Variants in CCDC7 observed in about 807,000 individuals in gnomAD.
The protein encoded by CCDC7 is coiled-coil domain-containing protein 7.
Under a neutral mutation model 196.9 loss-of-function variants are expected in CCDC7, and 183 were observed. That is an observed-to-expected ratio of 0.93 (90% CI 0.82 to 1.05). The LOEUF (loss-of-function observed/expected upper bound fraction) is 1.05. CCDC7 is among the 50% of genes least tolerant of loss of function. CCDC7 has a pLI of 0.00. For missense variants in CCDC7, 1,540 were observed against 1,482.2 expected (o/e 1.04, Z -0.64); for synonymous variants, 525 against 484.6 (o/e 1.08, Z -1.10).
At chr10:32,514,234 C>T (rs2046683612) in intron 9 of CCDC7, 1 of 152,130 alleles carries the variant, frequency 6.6e-6, no homozygotes, top group Admixed American at 6.5e-5. Context: ...GAAGTTCTCA[C>T]CCCCTGCTAC....
intron 11 of CCDC7, among the ~76,000 whole-genome samples, chr10:32,541,150 T>A (rs921828132): frequency 2.0e-5 from 3 of 152,078 alleles, no homozygotes; most frequent in African/African-American, 7.2e-5. Flanking sequence ...TCTGGGTGTT[T>A]CCAGGGTAGC....
chr10:32,674,784 T>C (rs2074643963), intron 21 of CCDC7, among the ~76,000 whole-genome samples: 1 of 152,130 alleles, frequency 6.6e-6, no homozygotes, highest in African/African-American at 2.4e-5. Flanking sequence ...TATATATTTT[T>C]GAGATGGAGT....
chr10:32,759,338 C>A lies in CCDC7; in HGVS notation c.2906-19639C>A, dbSNP rs949486394. 2.1e-3 allele frequency among the ~76,000 whole-genome samples: 313 copies of A among 152,072 alleles called. 1 individual carries two copies. Among genetic ancestry groups the A allele is most frequent in the Non-Finnish European group, 3.5e-3 (241 of 67,934 alleles). On this transcript the variant is annotated intron_variant, in intron 28 of 41. Transcript: ENST00000639629. ...TGGAGGCATCACGCTACCTGACTTC[C>A]AACTATACTACAAGGCTACAGTAAC...
At chr10:32,807,768 C>T (rs1206630547) in intron 30 of CCDC7, among the ~76,000 whole-genome samples, 1 of 151,878 alleles carries the variant, frequency 6.6e-6, no homozygotes, top group Non-Finnish European at 1.5e-5. Context: ...GAGTCACACA[C>T]ACACACCGTG....
intron 20 of CCDC7, among the ~76,000 whole-genome samples, chr10:32,655,373 A>G (rs949450854): frequency 6.6e-6 from 1 of 152,106 alleles, no homozygotes; most frequent in East Asian, 1.9e-4. Flanking sequence ...TTCTTTCTCC[A>G]GTTTCTCACC....
At chr10:32,702,326 G>C (rs181312165) in intron 24 of CCDC7, among the ~76,000 whole-genome samples, 1 of 151,930 alleles carries the variant, frequency 6.6e-6, no homozygotes, top group Non-Finnish European at 1.5e-5. Context: ...GTAGTTGAGC[G>C]GTTTTGAGTG....
chr10:32,809,728 A>G (rs546921400), intron 30 of CCDC7, among the ~76,000 whole-genome samples: 1 of 152,326 alleles, frequency 6.6e-6, no homozygotes, highest in South Asian at 2.1e-4. Flanking sequence ...TCAGAAAACA[A>G]CAGATGCTGG....
At chr10:32,514,922 C>A (rs1368030134) in intron 9 of CCDC7, among the ~76,000 whole-genome samples, 1 of 152,114 alleles carries the variant, frequency 6.6e-6, no homozygotes, top group Non-Finnish European at 1.5e-5. Context: ...ACTCCTAGGC[C>A]CAAGGCATCT....
chr10:32,584,304 G>C, exon 18 of CCDC7: 1 of 1,585,052 alleles, frequency 6.3e-7, no homozygotes, highest in African/African-American at 1.3e-5. Flanking sequence ...AAAATCTCAA[G>C]GTAAAAAGAC....
intron 28 of CCDC7, among the ~76,000 whole-genome samples, chr10:32,763,310 G>A (rs925199269): frequency 5.3e-5 from 8 of 151,836 alleles, no homozygotes; most frequent in African/African-American, 1.7e-4. Context: ...AAAACCATGA[G>A]TTATCATCAC....
exon 1 of CCDC7, chr10:32,451,738 A>C (rs776038567): frequency 2.5e-6 from 4 of 1,614,070 alleles, no homozygotes; most frequent in Admixed American, 1.7e-5. Flanking sequence ...TACCATTATC[A>C]CCTGAGCTAA....
chr10:32,633,856 T>A (rs1303166806), intron 18 of CCDC7, among the ~76,000 whole-genome samples: 1 of 151,840 alleles, frequency 6.6e-6, no homozygotes, highest in Non-Finnish European at 1.5e-5. Context: ...TCTCTTCCCT[T>A]TGTATTTCTC....
chr10:32,708,762 C>A (rs1190833919), intron 24 of CCDC7, among the ~76,000 whole-genome samples: 1 of 152,118 alleles, frequency 6.6e-6, no homozygotes, highest in Admixed American at 6.6e-5. Flanking sequence ...AAATCAAAAC[C>A]ACAATGAGAT....
intron 18 of CCDC7, among the ~76,000 whole-genome samples, chr10:32,625,473 T>C (rs1347285214): frequency 6.6e-6 from 1 of 151,908 alleles, no homozygotes; most frequent in Non-Finnish European, 1.5e-5. Flanking sequence ...TACATTGAAA[T>C]TTATAGCTGT....
intron 24 of CCDC7, among the ~76,000 whole-genome samples, chr10:32,698,354 G>A (rs2141421851): frequency 6.6e-6 from 1 of 152,288 alleles, no homozygotes; most frequent in Admixed American, 6.5e-5. Flanking sequence ...GAATGACTTT[G>A]ACGAGTTGAG....
intron 29 of CCDC7, among the ~76,000 whole-genome samples, chr10:32,782,260 T>G (rs1268548897): frequency 1.3e-5 from 2 of 152,082 alleles, no homozygotes; most frequent in Non-Finnish European, 2.9e-5. Flanking sequence ...AGATTGAGTC[T>G]TCCTCTGTCA....
intron 18 of CCDC7, among the ~76,000 whole-genome samples, chr10:32,604,002 C>T (rs1409657525): frequency 6.6e-6 from 1 of 152,058 alleles, no homozygotes; most frequent in Admixed American, 6.5e-5. Flanking sequence ...CTTTTGTGAT[C>T]ACGGCCATAA....
chr10:32,559,576 C>T (rs569126256), intron 13 of CCDC7, among the ~76,000 whole-genome samples: 12 of 152,318 alleles, frequency 7.9e-5, no homozygotes, highest in African/African-American at 2.6e-4. Context: ...TGGAGTGGAC[C>T]TCTAGCAAAC....
chr10:32,845,555 A>C (rs771787671), exon 35 of CCDC7: 116 of 1,610,718 alleles, frequency 7.2e-5, no homozygotes, highest in Non-Finnish European at 9.3e-5. Context: ...ACTGATAAGA[A>C]CTTCTTTGCC....
Sources: gnomAD v4.1 joint callset for allele counts (sites outside exome capture counted in the v4.1 genomes callset) on GRCh38, gnomAD v4.1.1 for gene constraint, MANE v1.5 for transcripts, NCBI Gene and HGNC (gene_info 2026-07-23, HGNC 2026-07-21) for gene names.